Variants in TRPV1 observed in about 807,000 individuals in gnomAD.
The protein encoded by TRPV1 is OTRPC1.
In TRPV1, 82 loss-of-function variants were observed where a neutral mutation model predicts 82.3. That is an observed-to-expected ratio of 1.00 (90% CI 0.83 to 1.20). The LOEUF is 1.20. Among genes scored for constraint, TRPV1 ranks in the 50% most tolerant of loss-of-function variants. TRPV1 has a pLI of 0.00. For missense variants in TRPV1, 1,067 were observed against 1,096.8 expected (o/e 0.97, Z 0.38); for synonymous variants, 515 against 467.7 (o/e 1.10, Z -1.30).
chr17:3,588,264 T>C lies in TRPV1; in HGVS notation c.1148A>G (p.Tyr383Cys). The C allele has an allele frequency of 6.3e-7, 1 of 1,583,030 alleles. No individual in the cohort carries two copies. The highest frequency in any genetic ancestry group is 1.2e-5 in the South Asian group (1 of 86,136). ...GCAGGTGTCGATGCAGGACAGGTCG[T>C]ACAGCGAGGAGTGCACGGGCCCGTA... ...WAYGPVHSSL[Y>C]DLSCIDTCEK... Residue 383 changes from tyrosine to cysteine, a missense_variant, in exon 8 of 17, where the codon TAC becomes TGC. Coordinates refer to ENST00000572705, the MANE Select transcript of TRPV1 (RefSeq NM_080704.4).
chr17:3,573,550 C>CCCCCCCCCCCT, intron 14 of TRPV1, 83 bp downstream of exon 14: 2 of 574,538 alleles, frequency 3.5e-6, no homozygotes, highest in Non-Finnish European at 4.8e-6. Flanking sequence ...CACCCACCCA[C>CCCCCCCCCCCT]CTGCAGCCAG....
At chr17:3,602,698 GAC>G (rs1042122914) in intron 2 of TRPV1, among the ~76,000 whole-genome samples, 2 of 152,206 alleles carry the variant, frequency 1.3e-5, no homozygotes, top group Non-Finnish European at 2.9e-5. Flanking sequence ...CGCTAATGGT[GAC>G]AGTTTTCTCT....
chr17:3,576,848 C>CAAAA (rs989451980), intron 13 of TRPV1, among the ~76,000 whole-genome samples: 1 of 39,052 alleles, frequency 2.6e-5, no homozygotes, highest in African/African-American at 8.6e-5. Context: ...GACTCCATCT[C>CAAAA]AAAAAAAAAA....
intron 9 of TRPV1, among the ~76,000 whole-genome samples, chr17:3,583,802 G>T (rs2075050407): frequency 6.6e-6 from 1 of 152,188 alleles, no homozygotes; most frequent in African/African-American, 2.4e-5. Context: ...CCAGCCCATG[G>T]CCAGTCTCCC....
At chr17:3,568,649 C>T (rs2074807485) in intron 16 of TRPV1, among the ~76,000 whole-genome samples, 1 of 152,146 alleles carries the variant, frequency 6.6e-6, no homozygotes, top group Admixed American at 6.6e-5. Context: ...AGGCAACATA[C>T]AGGCAGCAAA....
chr17:3,584,365 T>G (rs1037166005), intron 9 of TRPV1, among the ~76,000 whole-genome samples: 5 of 126,346 alleles, frequency 4.0e-5, no homozygotes, highest in African/African-American at 1.5e-4. Context: ...ATCACACCAC[T>G]GCACTCCAGC....
intron 10 of TRPV1, among the ~76,000 whole-genome samples, chr17:3,581,457 T>C (rs180875276): frequency 5.3e-5 from 8 of 152,022 alleles, no homozygotes; most frequent in African/African-American, 1.9e-4. Context: ...TTTACTGTAA[T>C]GTAAACCATG....
At position 3,573,725 on chromosome 17, in the gene TRPV1, T is replaced by C; in HGVS notation, c.2011A>G (p.Thr671Ala). Residue 671 changes from threonine to alanine, a missense_variant, in exon 14 of 17, where the codon ACC becomes GCC. Coordinates refer to ENST00000572705, the MANE Select transcript of TRPV1 (RefSeq NM_080704.4). Reference sequence around the variant, plus strand: ...AGCATGTTGAGCAGGAGGATGTAGGTGAGAATTACATAGGCCAGCAGCAGG... The same window carrying C: ...AGCATGTTGAGCAGGAGGATGTAGGCGAGAATTACATAGGCCAGCAGCAGG... The part of the protein sequence containing the change: ...IILLLAYVIL[T>A]YILLLNMLIA... 6.2e-7 allele frequency: 1 copy of C among 1,613,834 alleles called. No homozygotes were observed. The highest frequency in any genetic ancestry group is 1.3e-5 in the African/African-American group (1 of 74,914).
rs750667425 is a variant in TRPV1 at position 3,571,632 on chromosome 17, C to T, written c.2239G>A (p.Glu747Lys). The T allele has an allele frequency of 9.9e-6, 16 of 1,608,908 alleles. No individual in the cohort carries two copies. The highest frequency in any genetic ancestry group is 1.7e-5 in the Admixed American group (1 of 59,306). Reference sequence around the variant, plus strand: ...GTGTTCCAGGTGGTCCAGTTCACCTCGTCCACCCTGCAGGGTAAGGGGTCG... The same window carrying T: ...GTGTTCCAGGTGGTCCAGTTCACCTTGTCCACCCTGCAGGGTAAGGGGTCG... ...DDYRWCFRVD[E>K]VNWTTWNTNV... Residue 747 changes from glutamate (E) to lysine (K), a missense_variant, in exon 16 of 17, where the codon GAG becomes AAG. Glu to Lys is a moderately conservative substitution (Grantham distance 56). Coordinates refer to ENST00000572705, the MANE Select transcript of TRPV1 (RefSeq NM_080704.4).
intron 11 of TRPV1, among the ~76,000 whole-genome samples, chr17:3,579,077 A>G (rs1010975292): frequency 6.6e-6 from 1 of 152,126 alleles, no homozygotes; most frequent in Non-Finnish European, 1.5e-5. Flanking sequence ...ATCAGGTACT[A>G]TGTTCACTAC....
At position 3,585,954 on chromosome 17, in the gene TRPV1, C is replaced by T. The variant is rs1224178122; in HGVS notation, c.1225-28G>A. 4 of 1,612,730 alleles carry T rather than the reference C, an allele frequency of 2.5e-6. No individual in the cohort carries two copies. In the East Asian group the frequency reaches 8.9e-5, roughly 36 times the overall value. Reference sequence around the variant, plus strand: ...AGGGGGTGGGGAGAGAAGTGAGGTTCCCTCCTGCAGCAGGAACTCCTCGCA... The same window carrying T: ...AGGGGGTGGGGAGAGAAGTGAGGTTTCCTCCTGCAGCAGGAACTCCTCGCA... On this transcript the variant is annotated intron_variant, in intron 8 of 16. Transcript: ENST00000572705.
intron 2 of TRPV1, among the ~76,000 whole-genome samples, chr17:3,606,367 G>A (rs543817327): frequency 7.7e-4 from 118 of 152,272 alleles, no homozygotes; most frequent in Middle Eastern, 6.8e-3. Flanking sequence ...CCACTCTCTG[G>A]GGCACTGCCA....
At position 3,573,955 on chromosome 17, in the gene TRPV1, G is replaced by A. The variant is rs200853708; in HGVS notation, c.1781C>T (p.Ala594Val). 47 of 1,595,472 alleles carry A rather than the reference G, an allele frequency of 2.9e-5. No homozygotes were observed. The highest frequency in any genetic ancestry group is 1.0e-4 in the South Asian group (9 of 88,582). ...CCCGTCTTCAATCAGCGTCACCACC[G>A]CTACAGGGCACAGGGAGGGCGGGGT... The part of the protein sequence containing the change: ...YIVFLFGFST[A>V]VVTLIEDGKN... The change falls in exon 14 of 17, where the codon GCG (alanine) becomes GTG (valine). Residue 594 changes from alanine to valine, a missense_variant and splice_region_variant. Coordinates refer to ENST00000572705, the MANE Select transcript of TRPV1 (RefSeq NM_080704.4).
In TRPV1 at chr17:3,572,220, C is replaced by A. The variant is rs751169897; in HGVS notation, c.2133G>T (p.Lys711Asn). The change falls in exon 15 of 17, where the codon AAG becomes AAT. Residue 711 changes from lysine to asparagine, a missense_variant. Transcript: ENST00000572705. The stretch of plus-strand genomic sequence containing the variant: ...CCTTCCTCATGCACTTAAGGAAGCT[C>A]TTCTCCGTGTCCAGGATGGTGATGG... ...QRAITILDTE[K>N]SFLKCMRKAF... The A allele has an allele frequency of 6.8e-6, 11 of 1,610,886 alleles. No homozygotes were observed. The highest frequency in any genetic ancestry group is 1.1e-5 in the South Asian group (1 of 90,256).
Position 3,585,566 on chromosome 17 carries a change from G to A in TRPV1, c.1383+202C>T, listed in dbSNP as rs1435874045. Reference sequence around the variant, plus strand: ...AGAGGAACTGAGAAGCGGGAAGGGGGCGGGTCTCCTGTACAGCCTGAGGCA... The same window carrying A: ...AGAGGAACTGAGAAGCGGGAAGGGGACGGGTCTCCTGTACAGCCTGAGGCA... On this transcript the variant is annotated intron_variant, in intron 9 of 16. Transcript: ENST00000572705. The A allele has an allele frequency of 2.0e-5, 12 of 606,564 alleles. No homozygotes were observed. The East Asian group carries it at 3.5e-4, about 18-fold the overall frequency. The allele number at this position is 606,564 out of a possible 1,614,324, so 37.6% of individuals were successfully genotyped here. A position where few individuals can be genotyped will look rare whatever the true frequency, so the allele number is the denominator to read the frequency against.
chr17:3,586,566 G>T (rs536182692), intron 8 of TRPV1, among the ~76,000 whole-genome samples: 20 of 152,190 alleles, frequency 1.3e-4, no homozygotes, highest in Non-Finnish European at 2.6e-4. Context: ...GAAGTCTGGA[G>T]TTCAAGACCA....
At position 3,580,566 on chromosome 17, in the gene TRPV1, T is replaced by G. The variant is rs1350223957; in HGVS notation, c.1477-39A>C. ...GAGAGAGTAAGATCCCAGGCAATGC[T>G]CGATGTGGCTAAATGGTGAGCACTC... On this transcript the variant is annotated intron_variant, in intron 10 of 16. Transcript: ENST00000572705. 2.5e-6 allele frequency: 4 copies of G among 1,607,336 alleles called. No individual in the cohort carries two copies. The South Asian group carries it at 4.4e-5, about 18-fold the overall frequency.
intron 2 of TRPV1, among the ~76,000 whole-genome samples, chr17:3,599,572 A>G (rs1287022438): frequency 6.7e-6 from 1 of 149,540 alleles, no homozygotes. Flanking sequence ...TTCACTTAGC[A>G]TAATTTCCTC....
chr17:3,576,576 C>T (rs186560724), intron 13 of TRPV1, among the ~76,000 whole-genome samples: 10 of 149,008 alleles, frequency 6.7e-5, no homozygotes, highest in Non-Finnish European at 1.2e-4. Context: ...GGCGTGAACC[C>T]GGGAGGCGGA....
Sources: gnomAD v4.1 joint callset for allele counts (sites outside exome capture counted in the v4.1 genomes callset) on GRCh38, gnomAD v4.1.1 for gene constraint, MANE v1.5 for transcripts, NCBI Gene and HGNC (gene_info 2026-07-23, HGNC 2026-07-21) for gene names.